The following TMEM178B variants were observed in gnomAD, a reference collection of about 807,000 sequenced individuals.
TMEM178B encodes transmembrane protein 178B.
In TMEM178B, 5 loss-of-function variants were observed where a neutral mutation model predicts 31.0. That is an observed-to-expected ratio of 0.16 (90% CI 0.08 to 0.34). TMEM178B has a LOEUF of 0.34. Ranked by LOEUF, TMEM178B falls within the 10% of genes least tolerant of loss-of-function variation. TMEM178B has a pLI of 1.00. For missense variants in TMEM178B, 275 were observed against 400.3 expected, an observed-to-expected ratio of 0.69 and a Z score of 2.67; for synonymous variants, 164 against 164.0, an observed-to-expected ratio of 1.00 and a Z score of 0.00.
Position 141,266,953 on chromosome 7 carries a change from A to C in TMEM178B, c.496+54249A>C, listed in dbSNP as rs146132446. ...TCCTGAGAGCTGTCCACAAGCCCACAGGGCCTGCCTCTCATTTCTCTGAAA... is the reference window on the plus strand; with the variant it reads ...TCCTGAGAGCTGTCCACAAGCCCACCGGGCCTGCCTCTCATTTCTCTGAAA... On this transcript the variant is annotated intron_variant, in intron 2 of 3. Coordinates refer to ENST00000565468, the MANE Select transcript of TMEM178B (RefSeq NM_001195278.2). 5.4e-4 allele frequency among the ~76,000 whole-genome samples: 83 copies of C among 152,324 alleles called. 1 individual carries two copies. In the East Asian group the frequency reaches 0.014, roughly 26 times the overall value.
In TMEM178B at chr7:141,338,163, A is replaced by T. The variant is rs183837729; in HGVS notation, c.497-99445A>T. Among the ~76,000 whole-genome samples the T allele has an allele frequency of 7.9e-4, 120 of 152,302 alleles. 1 individual carries two copies. The East Asian group carries it at 0.02, about 25-fold the overall frequency. ...ATTTGATATTTTTTAAAGCGAAGTT[A>T]TTTTTGAAAATCTGTGATAGAAATT... On this transcript the variant is annotated intron_variant, in intron 2 of 3. Transcript: ENST00000565468.
intron 1 of TMEM178B, among the ~76,000 whole-genome samples, chr7:141,153,151 C>T (rs1194515871): frequency 1.3e-5 from 2 of 152,200 alleles, no homozygotes; most frequent in African/African-American, 4.8e-5. Context: ...TCTCTATTCA[C>T]AGATAGCAAC....
At chr7:141,244,213 A>C (rs1420013893) in intron 2 of TMEM178B, among the ~76,000 whole-genome samples, 1 of 152,238 alleles carries the variant, frequency 6.6e-6, no homozygotes, top group African/African-American at 2.4e-5. Context: ...CCTTTCATCC[A>C]GAGCTTGGAA....
chr7:141,508,889 A>G, the TMEM178B span, among the ~76,000 whole-genome samples: 1 of 152,200 alleles, frequency 6.6e-6, no homozygotes, highest in East Asian at 1.9e-4. Context: ...CCATATCAGC[A>G]TCAAAACTCT....
chr7:141,397,156 A>G (rs950910070), intron 2 of TMEM178B, among the ~76,000 whole-genome samples: 5 of 152,184 alleles, frequency 3.3e-5, no homozygotes, highest in Non-Finnish European at 5.9e-5. Context: ...AAGTAATGAG[A>G]TCGTGGAATT....
intron 2 of TMEM178B, among the ~76,000 whole-genome samples, chr7:141,326,803 A>G (rs1401008267): frequency 1.3e-5 from 2 of 152,210 alleles, no homozygotes; most frequent in Non-Finnish European, 2.9e-5. Context: ...TGTGCTGTCC[A>G]ATAGCACCTT....
chr7:141,157,795 T>G (rs1796098639), intron 1 of TMEM178B, among the ~76,000 whole-genome samples: 1 of 152,170 alleles, frequency 6.6e-6, no homozygotes, highest in African/African-American at 2.4e-5. Context: ...AGATGTTAGT[T>G]TCTCCTTCTT....
intron 2 of TMEM178B, among the ~76,000 whole-genome samples, chr7:141,433,654 C>T (rs1801480461): frequency 6.6e-6 from 1 of 152,202 alleles, no homozygotes; most frequent in Non-Finnish European, 1.5e-5. Context: ...ATGCAGCTCA[C>T]TCTTCTTGTA....
intron 2 of TMEM178B, among the ~76,000 whole-genome samples, chr7:141,375,012 G>A (rs1800187581): frequency 6.6e-6 from 1 of 152,182 alleles, no homozygotes; most frequent in Non-Finnish European, 1.5e-5. Flanking sequence ...TTGTCTTCCT[G>A]TTTCTATGCT....
At chr7:141,185,681 G>C (rs1796599062) in intron 1 of TMEM178B, among the ~76,000 whole-genome samples, 1 of 152,106 alleles carries the variant, frequency 6.6e-6, no homozygotes, top group Non-Finnish European at 1.5e-5. Flanking sequence ...GCACAGGATG[G>C]GGGTGTGGCA....
intron 2 of TMEM178B, among the ~76,000 whole-genome samples, chr7:141,423,431 A>G (rs1000411657): frequency 6.6e-6 from 1 of 152,228 alleles, no homozygotes; most frequent in African/African-American, 2.4e-5. Context: ...AGTCATGCTG[A>G]GTCTTTGACA....
At chr7:141,110,297 T>C (rs2129174992) in intron 1 of TMEM178B, among the ~76,000 whole-genome samples, 1 of 152,332 alleles carries the variant, frequency 6.6e-6, no homozygotes, top group East Asian at 1.9e-4. Context: ...ATAAAATTTG[T>C]TTGAAGAAAT....
chr7:141,437,764 C>T lies in TMEM178B; in HGVS notation c.634+19C>T. On this transcript the variant is annotated intron_variant, in intron 3 of 3. Coordinates refer to ENST00000565468, the MANE Select transcript of TMEM178B (RefSeq NM_001195278.2). ...ATGGGAGGTAAGGCTACGGGCTCGG[C>T]TTGTGGGTGGCAGTGGACAGGGTCC... The T allele has an allele frequency of 6.5e-7, 1 of 1,535,958 alleles. No homozygotes were observed. Among genetic ancestry groups the T allele is most frequent in the Non-Finnish European group, 8.7e-7 (1 of 1,146,792 alleles).
chr7:141,145,738 A>C (rs1245091382), intron 1 of TMEM178B, among the ~76,000 whole-genome samples: 1 of 152,204 alleles, frequency 6.6e-6, no homozygotes, highest in Admixed American at 6.5e-5. Flanking sequence ...CTTAATGCTG[A>C]TGCAGCTGTT....
intron 2 of TMEM178B, among the ~76,000 whole-genome samples, chr7:141,337,636 CT>C (rs1799447376): frequency 6.6e-6 from 1 of 152,180 alleles, no homozygotes; most frequent in Admixed American, 6.5e-5. Context: ...TCTGGCAACA[CT>C]TTTGGCTACA....
intron 2 of TMEM178B, among the ~76,000 whole-genome samples, chr7:141,331,269 TAGAAA>T (rs1258810271): frequency 6.6e-6 from 1 of 152,046 alleles, no homozygotes; most frequent in Non-Finnish European, 1.5e-5. Flanking sequence ...TAAATGTAAG[TAGAAA>T]AGAAAAGTAT....
At chr7:141,334,298 G>C (rs1799347380) in intron 2 of TMEM178B, among the ~76,000 whole-genome samples, 2 of 152,192 alleles carry the variant, frequency 1.3e-5, no homozygotes, top group Admixed American at 1.3e-4. Flanking sequence ...GTTACATAAT[G>C]TATGTGGGCC....
chr7:141,402,924 C>T (rs118147724), intron 2 of TMEM178B, among the ~76,000 whole-genome samples: 2,495 of 152,348 alleles, frequency 0.016, 44 homozygotes, highest in Admixed American at 0.028. Flanking sequence ...TAAAGAGGAA[C>T]CTACTGCCCT....
At position 141,472,715 on chromosome 7, in the gene TMEM178B, A is replaced by C. The variant is rs780655323; in HGVS notation, c.*1929A>C. ...ACGTCTTCCAACCCATCTTCCTACC[A>C]CTCTCCTCCTTTTCTCACCTACTAA... On this transcript the variant is annotated 3_prime_UTR_variant, in exon 4 of 4. Transcript: ENST00000565468. 1.3e-5 allele frequency: 2 copies of C among 150,430 alleles called. No individual in the cohort carries two copies. The highest frequency in any genetic ancestry group is 2.0e-4 in the East Asian group (1 of 5,108). The allele number at this position is 150,430 out of a possible 1,614,324, so 9.3% of individuals were successfully genotyped here. A position where few individuals can be genotyped will look rare whatever the true frequency, so the allele number is the denominator to read the frequency against.
Sources: gnomAD v4.1 joint callset for allele counts (sites outside exome capture counted in the v4.1 genomes callset) on GRCh38, gnomAD v4.1.1 for gene constraint, MANE v1.5 for transcripts, NCBI Gene and HGNC (gene_info 2026-07-23, HGNC 2026-07-21) for gene names.